ZNF423: variants seen among roughly 807,000 people sequenced by gnomAD.
The protein encoded by ZNF423 is Ebf-associated zinc finger protein.
In ZNF423, 12 loss-of-function variants were observed where a neutral mutation model predicts 95.8. The ratio of observed to expected loss-of-function variants is 0.13; its 90% CI spans 0.08 to 0.20. ZNF423 has a LOEUF of 0.20. Among genes scored for constraint, ZNF423 ranks in the 10% least tolerant of loss-of-function variants. The pLI is 1.00. For synonymous variants in ZNF423, 749 were observed against 711.9 expected, an observed-to-expected ratio of 1.05 and a Z score of -0.83; for missense variants, 1,316 against 1,737.1, an observed-to-expected ratio of 0.76 and a Z score of 4.31.
chr16:49,516,565 C>T (rs919641892), intron 7 of ZNF423, among the ~76,000 whole-genome samples: 6 of 152,188 alleles, frequency 3.9e-5, no homozygotes, highest in African/African-American at 1.4e-4. Flanking sequence ...CGGAGCTGCC[C>T]TCACAAAGAC....
intron 5 of ZNF423, among the ~76,000 whole-genome samples, chr16:49,598,118 A>G (rs16947676): frequency 0.068 from 10,388 of 152,046 alleles, 632 homozygotes; most frequent in East Asian, 0.31. Context: ...CTGTTCCTCA[A>G]CTTCTCCTCA....
At chr16:49,674,223 T>C (rs2030943577) in intron 3 of ZNF423, among the ~76,000 whole-genome samples, 1 of 152,200 alleles carries the variant, frequency 6.6e-6, no homozygotes, top group Non-Finnish European at 1.5e-5. Flanking sequence ...GGATCTGAGA[T>C]AGGAATGAGT....
At chr16:49,819,772 A>T (rs968634704) in intron 1 of ZNF423, among the ~76,000 whole-genome samples, 34 of 152,174 alleles carry the variant, frequency 2.2e-4, no homozygotes, top group Non-Finnish European at 4.0e-4. Flanking sequence ...TCCCTGACTT[A>T]AAGTGTTTAG....
rs143630128 is a variant in ZNF423, at chr16:49,678,385, T to C, written c.302-39511A>G. On this transcript the variant is annotated intron_variant, in intron 3 of 7. Transcript: ENST00000563137. Reference sequence around the variant, plus strand: ...ACTAAGGTGCCATGAACTAGGAAAGTGGGGCGTTCGAGCTCTGTATCAGGC... The same window carrying C: ...ACTAAGGTGCCATGAACTAGGAAAGCGGGGCGTTCGAGCTCTGTATCAGGC... Among the ~76,000 whole-genome samples the C allele has an allele frequency of 7.8e-3, 1,193 of 152,086 alleles. 20 individuals are homozygous for C. Among genetic ancestry groups the C allele is most frequent in the African/African-American group, 0.028 (1,150 of 41,456 alleles).
chr16:49,842,410 A>AAGGAAGGAAGGAAGGCAGGCAGGC (rs1448904663), intron 1 of ZNF423, among the ~76,000 whole-genome samples: 3 of 77,914 alleles, frequency 3.9e-5, no homozygotes, highest in African/African-American at 1.3e-4. Flanking sequence ...GGAAGGAAGG[A>AAGGAAGGAAGGAAGGCAGGCAGGC]AGGCAGGCAG....
At position 49,722,850 on chromosome 16, in the gene ZNF423, G is replaced by A. The variant is rs554806317; in HGVS notation, c.301+7921C>T. Among the ~76,000 whole-genome samples, 21 of 152,266 alleles carry A rather than the reference G, an allele frequency of 1.4e-4. No homozygotes were observed. In the East Asian group the frequency reaches 3.9e-3, roughly 28 times the overall value. On this transcript the variant is annotated intron_variant, in intron 3 of 7. Coordinates refer to ENST00000563137, the MANE Select transcript of ZNF423 (RefSeq NM_001379286.1). ...TCATGGAACACAACCTGACCAGTGA[G>A]ATGGTGTTGGCAAACTTTTTGATCT...
chr16:49,674,938 C>A (rs2030983283), intron 3 of ZNF423, among the ~76,000 whole-genome samples: 1 of 152,188 alleles, frequency 6.6e-6, no homozygotes, highest in Non-Finnish European at 1.5e-5. Context: ...AACTCCAGCA[C>A]ACCAAGATGT....
At chr16:49,544,037 T>C (rs560032566) in intron 5 of ZNF423, among the ~76,000 whole-genome samples, 3 of 152,202 alleles carry the variant, frequency 2.0e-5, no homozygotes, top group African/African-American at 7.2e-5. Context: ...CTAATCCCTG[T>C]GGTACTGGGT....
At chr16:49,581,562 G>C (rs1309623935) in intron 5 of ZNF423, among the ~76,000 whole-genome samples, 1 of 152,116 alleles carries the variant, frequency 6.6e-6, no homozygotes, top group Non-Finnish European at 1.5e-5. Flanking sequence ...TCTTAGGTGA[G>C]CTCTAATCTT....
intron 5 of ZNF423, among the ~76,000 whole-genome samples, chr16:49,534,416 G>A (rs1316732371): frequency 2.6e-5 from 4 of 152,078 alleles, no homozygotes; most frequent in African/African-American, 9.7e-5. Flanking sequence ...ACCACACACA[G>A]CTAATTTTGT....
At chr16:49,566,054 T>A (rs780401292) in intron 5 of ZNF423, among the ~76,000 whole-genome samples, 18 of 152,110 alleles carry the variant, frequency 1.2e-4, no homozygotes, top group Non-Finnish European at 1.5e-5. Flanking sequence ...AACCCCCTGG[T>A]GGTCAGTGGT....
chr16:49,622,842 G>A (rs528786286), intron 5 of ZNF423, among the ~76,000 whole-genome samples: 1 of 152,370 alleles, frequency 6.6e-6, no homozygotes, highest in South Asian at 2.1e-4. Flanking sequence ...TAGAAAGGCT[G>A]AGTCAGTAGC....
At chr16:49,823,408 A>G (rs2034969420) in intron 1 of ZNF423, among the ~76,000 whole-genome samples, 1 of 152,184 alleles carries the variant, frequency 6.6e-6, no homozygotes, top group Non-Finnish European at 1.5e-5. Flanking sequence ...ACGAGTGTTA[A>G]TGCTGCATCA....
chr16:49,566,564 T>A (rs1325588451), intron 5 of ZNF423, among the ~76,000 whole-genome samples: 6 of 151,966 alleles, frequency 3.9e-5, no homozygotes, highest in Non-Finnish European at 8.8e-5. Flanking sequence ...CCAAAATGAG[T>A]CCAACTAAAA....
intron 5 of ZNF423, among the ~76,000 whole-genome samples, chr16:49,586,185 G>C (rs1460630806): frequency 6.6e-6 from 1 of 152,102 alleles, no homozygotes; most frequent in Non-Finnish European, 1.5e-5. Context: ...CCGAGGTGAG[G>C]CCCAGCAGAC....
intron 5 of ZNF423, among the ~76,000 whole-genome samples, chr16:49,576,864 T>G (rs1390745590): frequency 6.6e-6 from 1 of 152,354 alleles, no homozygotes; most frequent in Non-Finnish European, 1.5e-5. Flanking sequence ...GTCTTTGAAG[T>G]GAAAGGCCTT....
intron 1 of ZNF423, among the ~76,000 whole-genome samples, chr16:49,829,627 A>T (rs1453542872): frequency 6.6e-6 from 1 of 151,898 alleles, no homozygotes; most frequent in Non-Finnish European, 1.5e-5. Context: ...TCCTCAGCCC[A>T]CTCCGCTGCA....
In ZNF423 at chr16:49,636,472, C is replaced by T; in HGVS notation, c.2704G>A (p.Ala902Thr). Residue 902 changes from alanine (A) to threonine (T), a missense_variant, in exon 4 of 8, where the codon GCC becomes ACC. By Grantham distance (58) the Ala-to-Thr change is moderately conservative (BLOSUM62 0). Coordinates refer to ENST00000563137, the MANE Select transcript of ZNF423 (RefSeq NM_001379286.1). This position sits in a 1 kb window ranked among gnomAD's most constrained non-coding sequence, Gnocchi z 8.6. The part of the protein sequence containing the change: ...PMYGCDICGA[A>T]YTMEVLLQNH... ...TGCAGCAGCACCTCCATGGTGTAGG[C>T]CGCCCCACAGATGTCACAGCCGTAC... The T allele has an allele frequency of 6.2e-7, 1 of 1,613,570 alleles. No individual in the cohort carries two copies. The highest frequency in any genetic ancestry group is 8.5e-7 in the Non-Finnish European group (1 of 1,180,016).
intron 3 of ZNF423, among the ~76,000 whole-genome samples, chr16:49,677,237 A>G (rs1435665909): frequency 8.0e-5 from 1 of 12,532 alleles, no homozygotes; most frequent in East Asian, 3.1e-3. Flanking sequence ...AAAAGAGAAG[A>G]GAAGAGAAGA....
Sources: allele counts gnomAD v4.1 joint callset (sites outside exome capture counted in the v4.1 genomes callset), GRCh38; gene constraint gnomAD v4.1.1; non-coding constraint Gnocchi (gnomAD v3.1); transcripts MANE v1.5; gene names NCBI Gene and HGNC (gene_info 2026-07-23, HGNC 2026-07-21).